TSHR: variants seen among roughly 807,000 people sequenced by gnomAD.
The protein encoded by TSHR is thyrotropin receptor.
A neutral mutation model predicts 64.1 loss-of-function variants in TSHR; 51 were observed. The observed-to-expected ratio is 0.80, with a 90% CI of 0.64 to 1.01. The LOEUF is 1.01. Ranked by LOEUF, TSHR falls within the 50% of genes least tolerant of loss-of-function variation. The pLI is 0.00. For missense variants in TSHR, 877 were observed against 942.8 expected, an observed-to-expected ratio of 0.93 and a Z score of 0.91; for synonymous variants, 361 against 361.9, an observed-to-expected ratio of 1.00 and a Z score of 0.03.
At chr14:80,959,953 A>C (rs1390261462) in intron 1 of TSHR, among the ~76,000 whole-genome samples, 2 of 152,220 alleles carry the variant, frequency 1.3e-5, no homozygotes, top group Non-Finnish European at 2.9e-5. Context: ...ACTTCGTACA[A>C]ATAAGAGGTA....
chr14:81,057,325 C>G (rs1489810686), intron 1 of TSHR, among the ~76,000 whole-genome samples: 1 of 152,044 alleles, frequency 6.6e-6, no homozygotes, highest in African/African-American at 2.4e-5. Flanking sequence ...GCAGGAGAAT[C>G]GCTTGAACCC....
chr14:81,077,983 T>C (rs1887621437), intron 3 of TSHR, among the ~76,000 whole-genome samples: 1 of 152,220 alleles, frequency 6.6e-6, no homozygotes, highest in South Asian at 2.1e-4. Flanking sequence ...CCTTCTTCCA[T>C]CTTTCATGCT....
intron 1 of TSHR, among the ~76,000 whole-genome samples, chr14:81,037,423 A>G (rs1884690029): frequency 7.1e-6 from 1 of 140,736 alleles, no homozygotes; most frequent in African/African-American, 2.7e-5. Flanking sequence ...GAAATACAAA[A>G]CAAACAAACA....
At chr14:81,126,888 T>C (rs889200793) in intron 8 of TSHR, among the ~76,000 whole-genome samples, 1 of 152,210 alleles carries the variant, frequency 6.6e-6, no homozygotes, top group African/African-American at 2.4e-5. Context: ...CCCAAAAGAT[T>C]CTGACTTCTC....
intron 1 of TSHR, chr14:80,983,620 G>C: frequency 1.1e-6 from 1 of 911,318 alleles, no homozygotes; most frequent in Non-Finnish European, 1.7e-6. Flanking sequence ...GAAGTTAAAG[G>C]GATTATTGAA....
At chr14:81,083,602 G>A (rs1313004391) in intron 3 of TSHR, among the ~76,000 whole-genome samples, 1 of 152,020 alleles carries the variant, frequency 6.6e-6, no homozygotes. Flanking sequence ...GCAAAATCAG[G>A]ATGATCCTTA....
At chr14:81,135,586 G>C (rs35933410) in intron 8 of TSHR, among the ~76,000 whole-genome samples, 1 of 152,034 alleles carries the variant, frequency 6.6e-6, no homozygotes, top group East Asian at 1.9e-4. Flanking sequence ...GGGGTGGGGG[G>C]TTCTTAGCAC....
At chr14:80,985,213 G>A (rs1888381026) in intron 1 of TSHR, among the ~76,000 whole-genome samples, 1 of 152,218 alleles carries the variant, frequency 6.6e-6, no homozygotes, top group Non-Finnish European at 1.5e-5. Context: ...TCGCGCCACT[G>A]CACTCCAGCC....
At chr14:81,012,031 C>T (rs1171002437) in intron 1 of TSHR, 1 of 152,038 alleles carries the variant, frequency 6.6e-6, no homozygotes, top group Non-Finnish European at 1.5e-5. Flanking sequence ...TGCTGCTGCG[C>T]TGCACCCACT....
chr14:80,977,882 G>C (rs996166488), intron 1 of TSHR, among the ~76,000 whole-genome samples: 4 of 151,904 alleles, frequency 2.6e-5, no homozygotes, highest in Non-Finnish European at 5.9e-5. Flanking sequence ...TGTAAGTTCT[G>C]AGTTTAGTCT....
chr14:81,115,579 G>A (rs1336928315), intron 8 of TSHR, among the ~76,000 whole-genome samples: 3 of 151,384 alleles, frequency 2.0e-5, no homozygotes, highest in Non-Finnish European at 2.9e-5. Context: ...GTGATGTGGA[G>A]AATGGAACCA....
chr14:81,097,168 A>G (rs1024674055), intron 7 of TSHR, among the ~76,000 whole-genome samples: 3 of 152,202 alleles, frequency 2.0e-5, no homozygotes, highest in Non-Finnish European at 4.4e-5. Context: ...TGAAACAGCA[A>G]ACAATAGACT....
chr14:81,085,292 GCTAAACTA>G (rs1407246876), intron 3 of TSHR, among the ~76,000 whole-genome samples: 1 of 152,134 alleles, frequency 6.6e-6, no homozygotes, highest in African/African-American at 2.4e-5. Flanking sequence ...TCACCATTTA[GCTAAACTA>G]CTGGCAGTCT....
rs114042281 is a variant in TSHR, at chr14:81,082,749, T to A, written c.318-5205T>A. Among the ~76,000 whole-genome samples, 477 of 152,318 alleles carry A rather than the reference T, an allele frequency of 3.1e-3. 3 individuals carry two copies. Among genetic ancestry groups the A allele is most frequent in the African/African-American group, 0.011 (457 of 41,568 alleles). On this transcript the variant is annotated intron_variant, in intron 3 of 9. Transcript: ENST00000298171. ...TAACAATAAATTGGCTGTGGCAGCT[T>A]CTCTTCTGACATCATCTAACTGAGT...
intron 6 of TSHR, among the ~76,000 whole-genome samples, chr14:81,094,004 C>T (rs1888965742): frequency 1.3e-5 from 2 of 152,128 alleles, no homozygotes; most frequent in South Asian, 4.1e-4. Context: ...TTGTCCCACA[C>T]CTAGCATAGA....
Position 81,108,639 on chromosome 14 carries a change from CT to C in TSHR, c.692+190del, listed in dbSNP as rs1274778509. ...TACCTCTTGGAAGAAAGTCCTTGTC[CT>C]TTGAGACTCAGAAGGCCCCACGCTC... On this transcript the variant is annotated intron_variant, in intron 8 of 9. Transcript: ENST00000298171. 1.5e-5 allele frequency: 24 copies of C among 1,613,976 alleles called. No homozygotes were observed. The East Asian group carries it at 5.3e-4, about 36-fold the overall frequency.
At chr14:81,061,794 AG>A (rs1221320575) in intron 1 of TSHR, among the ~76,000 whole-genome samples, 3 of 152,142 alleles carry the variant, frequency 2.0e-5, no homozygotes, top group African/African-American at 7.2e-5. Context: ...CTAAATTAAA[AG>A]GTAAAATAAT....
intron 8 of TSHR, among the ~76,000 whole-genome samples, chr14:81,123,748 T>A (rs1890902350): frequency 6.6e-6 from 1 of 152,182 alleles, no homozygotes; most frequent in African/African-American, 2.4e-5. Flanking sequence ...AGGTGCAATA[T>A]CTAGAGTCAG....
intron 8 of TSHR, among the ~76,000 whole-genome samples, chr14:81,114,613 A>G (rs984248837): frequency 8.1e-4 from 123 of 152,182 alleles, no homozygotes; most frequent in African/African-American, 7.2e-4. Flanking sequence ...AGGGGCGCCC[A>G]CCATTGCACA....
Sources: allele counts gnomAD v4.1 joint callset (sites outside exome capture counted in the v4.1 genomes callset), GRCh38; gene constraint gnomAD v4.1.1; transcripts MANE v1.5; gene names NCBI Gene and HGNC (gene_info 2026-07-23, HGNC 2026-07-21).